The following SORCS1 variants were observed in gnomAD, a reference collection of about 807,000 sequenced individuals.
The protein encoded by SORCS1 is sortilin related VPS10 domain containing receptor 1.
Under a neutral mutation model 146.1 loss-of-function variants are expected in SORCS1, and 60 were observed. The observed-to-expected ratio is 0.41, with a 90% confidence interval of 0.33 to 0.51. The LOEUF is 0.51. SORCS1 is among the 20% of genes least tolerant of loss of function. The pLI is 0.21. For synonymous variants in SORCS1, 637 were observed against 584.0 expected, an observed-to-expected ratio of 1.09 and a Z score of -1.31; for missense variants, 1,352 against 1,487.6, an observed-to-expected ratio of 0.91 and a Z score of 1.50.
At chr10:107,149,887 A>G (rs1481875469) in intron 1 of SORCS1, among the ~76,000 whole-genome samples, 1 of 152,196 alleles carries the variant, frequency 6.6e-6, no homozygotes. Context: ...GAAGAATTAA[A>G]AACAGGCACT....
chr10:107,178,902 A>C, the SORCS1 span, among the ~76,000 whole-genome samples: 2 of 152,162 alleles, frequency 1.3e-5, no homozygotes, highest in Admixed American at 1.3e-4. Flanking sequence ...CTCAGCTATC[A>C]TGAATAGTAC....
At chr10:106,973,939 G>T (rs1461915699) in intron 1 of SORCS1, among the ~76,000 whole-genome samples, 1 of 152,164 alleles carries the variant, frequency 6.6e-6, no homozygotes, top group Non-Finnish European at 1.5e-5. Flanking sequence ...AGGGAGGCAG[G>T]CACAATAAAG....
chr10:107,002,363 C>A (rs1407631897), intron 1 of SORCS1, among the ~76,000 whole-genome samples: 1 of 152,232 alleles, frequency 6.6e-6, no homozygotes, highest in Non-Finnish European at 1.5e-5. Flanking sequence ...TCTTCCCAGT[C>A]TCCTTTAATT....
intron 1 of SORCS1, among the ~76,000 whole-genome samples, chr10:106,985,501 C>CGT (rs1025290215): frequency 7.3e-5 from 11 of 150,986 alleles, no homozygotes; most frequent in African/African-American, 2.4e-4. Context: ...TTCAAGACAA[C>CGT]ACGTGAAGTC....
At chr10:107,114,787 T>C (rs1342066238) in intron 1 of SORCS1, among the ~76,000 whole-genome samples, 1 of 152,050 alleles carries the variant, frequency 6.6e-6, no homozygotes, top group Non-Finnish European at 1.5e-5. Context: ...AGAAAATGCA[T>C]CCAAATTGGA....
chr10:106,688,119 C>A (rs2135632603), intron 10 of SORCS1, 73 bp downstream of exon 10: 1 of 1,556,386 alleles, frequency 6.4e-7, no homozygotes, highest in Non-Finnish European at 8.7e-7. Context: ...CCAGAACTAT[C>A]CTCACCCTCT....
At position 106,960,391 on chromosome 10, in the gene SORCS1, C is replaced by A. The variant is rs963987546; in HGVS notation, c.559-3811G>T. ...TGGGAGGAACTTCACTTGGTCCATA[C>A]GTTTTCTCTTTTTCTTTTTCTTTTT... On this transcript the variant is annotated intron_variant, in intron 1 of 25. Transcript: ENST00000263054. This position sits in a 1 kb window ranked among gnomAD's most constrained non-coding sequence, Gnocchi z 4.4. Among the ~76,000 whole-genome samples the A allele has an allele frequency of 6.6e-6, 1 of 151,558 alleles. No homozygotes were observed. Among genetic ancestry groups the A allele is most frequent in the Non-Finnish European group, 1.5e-5 (1 of 67,950 alleles).
intron 1 of SORCS1, among the ~76,000 whole-genome samples, chr10:107,111,295 T>C (rs1488666014): frequency 1.3e-5 from 2 of 152,082 alleles, no homozygotes; most frequent in Non-Finnish European, 2.9e-5. Flanking sequence ...CAATGAAATG[T>C]AAGAAAACAT....
At chr10:107,067,959 T>G (rs1962044790) in intron 1 of SORCS1, among the ~76,000 whole-genome samples, 1 of 152,132 alleles carries the variant, frequency 6.6e-6, no homozygotes. Flanking sequence ...CTCACAAAGG[T>G]GTCAAGAGGA....
At chr10:106,630,050 A>G (rs1454426406) in intron 18 of SORCS1, among the ~76,000 whole-genome samples, 2 of 152,160 alleles carry the variant, frequency 1.3e-5, no homozygotes, top group African/African-American at 4.8e-5. Context: ...TCTCAGAAAC[A>G]AAGAAACAAA....
At chr10:106,832,049 A>G (rs1233486974) in intron 2 of SORCS1, among the ~76,000 whole-genome samples, 1 of 152,168 alleles carries the variant, frequency 6.6e-6, no homozygotes, top group African/African-American at 2.4e-5. Context: ...ATGAATCACA[A>G]CAAAACTTCT....
intron 3 of SORCS1, among the ~76,000 whole-genome samples, chr10:106,789,150 C>T (rs1305854988): frequency 2.0e-5 from 3 of 152,158 alleles, no homozygotes. Context: ...CACCAAGTCC[C>T]TAGGCTGCAC....
chr10:106,963,320 T>G (rs549382501), intron 1 of SORCS1, among the ~76,000 whole-genome samples: 17 of 152,078 alleles, frequency 1.1e-4, no homozygotes, highest in Middle Eastern at 3.4e-3. Context: ...TTTCACCGTG[T>G]TAGCCAGGAT....
intron 9 of SORCS1, among the ~76,000 whole-genome samples, chr10:106,696,114 G>A (rs1564868758): frequency 6.7e-6 from 1 of 148,672 alleles, no homozygotes; most frequent in Non-Finnish European, 1.5e-5. Context: ...CACAAAGGCA[G>A]GAATAGCACA....
intron 2 of SORCS1, among the ~76,000 whole-genome samples, chr10:106,847,841 T>C (rs1324342338): frequency 6.8e-6 from 1 of 146,926 alleles, no homozygotes; most frequent in East Asian, 2.0e-4. Context: ...TTTCGTTATG[T>C]ACCCAGTAGT....
chr10:106,987,801 T>C (rs1355041130), intron 1 of SORCS1, among the ~76,000 whole-genome samples: 1 of 152,176 alleles, frequency 6.6e-6, no homozygotes, highest in Non-Finnish European at 1.5e-5. Flanking sequence ...ATAACAACCC[T>C]GTCTTTTTCA....
intron 2 of SORCS1, among the ~76,000 whole-genome samples, chr10:106,934,100 CAAAAAAAAAA>C (rs57432764): frequency 9.2e-5 from 9 of 97,516 alleles, no homozygotes; most frequent in Non-Finnish European, 1.7e-4. Flanking sequence ...TCTCAAAAAA[CAAAAAAAAAA>C]AAAAAAAAGA....
chr10:106,628,794 C>A (rs1421227098), intron 19 of SORCS1, among the ~76,000 whole-genome samples: 1 of 152,182 alleles, frequency 6.6e-6, no homozygotes, highest in Non-Finnish European at 1.5e-5. Flanking sequence ...GGAGAAATTT[C>A]TTTACTTGGG....
chr10:106,926,008 A>G (rs995192158), intron 2 of SORCS1, among the ~76,000 whole-genome samples: 1 of 152,232 alleles, frequency 6.6e-6, no homozygotes, highest in Non-Finnish European at 1.5e-5. Context: ...GACACTTTGG[A>G]AGAAAAAAAA....
Sources: allele counts gnomAD v4.1 joint callset (sites outside exome capture counted in the v4.1 genomes callset), GRCh38; gene constraint gnomAD v4.1.1; non-coding constraint Gnocchi (gnomAD v3.1); transcripts MANE v1.5; gene names NCBI Gene and HGNC (gene_info 2026-07-23, HGNC 2026-07-21).